Variants in SGSM2 observed in about 807,000 individuals in gnomAD.
The protein encoded by SGSM2 is RUN and TBC1 domain containing 1.
In SGSM2, 89 loss-of-function variants were observed where a neutral mutation model predicts 126.6. That is an observed-to-expected ratio of 0.70 (90% CI 0.59 to 0.84). The LOEUF is 0.84. Among genes scored for constraint, SGSM2 ranks in the 40% least tolerant of loss-of-function variants. The pLI, the probability that SGSM2 is intolerant of heterozygous loss-of-function variation, is 0.00. For missense variants in SGSM2, 1,404 were observed against 1,416.6 expected (o/e 0.99, Z 0.14); for synonymous variants, 614 against 574.3 (o/e 1.07, Z -0.99).
At chr17:2,350,988 C>T (rs541507234) in intron 2 of SGSM2, among the ~76,000 whole-genome samples, 9 of 152,188 alleles carry the variant, frequency 5.9e-5, no homozygotes, top group Non-Finnish European at 8.8e-5. Context: ...CGTGGTGGCT[C>T]ACGCCTGTAA....
At chr17:2,361,067 C>T (rs188604444) in intron 2 of SGSM2, among the ~76,000 whole-genome samples, 15 of 152,336 alleles carry the variant, frequency 9.8e-5, no homozygotes, top group Admixed American at 9.1e-4. Context: ...AAAGTCCAGA[C>T]AGAGACTAAG....
chr17:2,350,034 A>T (rs931900004), intron 2 of SGSM2, among the ~76,000 whole-genome samples: 2 of 151,596 alleles, frequency 1.3e-5, no homozygotes, highest in African/African-American at 4.9e-5. Context: ...TGATCCGCCC[A>T]CCTCGGCCTC....
intron 2 of SGSM2, among the ~76,000 whole-genome samples, chr17:2,354,758 C>T (rs190816666): frequency 1.5e-4 from 23 of 152,366 alleles, no homozygotes; most frequent in Admixed American, 3.3e-4. Flanking sequence ...CAGCTCCCCA[C>T]GTCCCTTCCA....
intron 2 of SGSM2, among the ~76,000 whole-genome samples, chr17:2,358,176 T>C (rs1452984784): frequency 6.6e-6 from 1 of 152,172 alleles, no homozygotes; most frequent in Admixed American, 6.5e-5. Flanking sequence ...GGAGTTCTGC[T>C]TGGTGCTCTG....
At chr17:2,365,693 C>T (rs1567829468) in intron 11 of SGSM2, among the ~76,000 whole-genome samples, 2 of 151,934 alleles carry the variant, frequency 1.3e-5, no homozygotes, top group African/African-American at 2.4e-5. Context: ...TGCTCTTCAC[C>T]TCCTGCTCCC....
At position 2,362,468 on chromosome 17, in the gene SGSM2, A is replaced by C. The variant is rs1567822794; in HGVS notation, c.458+198A>C. Among the ~76,000 whole-genome samples, 2 of 140,708 alleles carry C rather than the reference A, an allele frequency of 1.4e-5. No homozygotes were observed. The highest frequency in any genetic ancestry group is 4.6e-4 in the South Asian group (2 of 4,374). 92.3% of individuals were successfully genotyped at this position (140,708 alleles called of 152,430 possible). Reference sequence around the variant, plus strand: ...CAGGTGACCGCCCCGTTCCCCAAAAACTGCAGGTGACCGCCCCGTTCCCCA... The same window carrying C: ...CAGGTGACCGCCCCGTTCCCCAAAACCTGCAGGTGACCGCCCCGTTCCCCA... On this transcript the variant is annotated intron_variant, in intron 4 of 23. Transcript: ENST00000268989. This position sits in a 1 kb window ranked among gnomAD's most constrained non-coding sequence, Gnocchi z 4.9.
intron 17 of SGSM2, 162 bp downstream of exon 17, chr17:2,373,675 G>A (rs530460731): frequency 6.3e-6 from 4 of 632,278 alleles, no homozygotes; most frequent in African/African-American, 3.7e-5. Flanking sequence ...ATGGCTAACT[G>A]TGCCTCTGCT....
chr17:2,350,526 C>T (rs2064799849), intron 2 of SGSM2, among the ~76,000 whole-genome samples: 1 of 151,914 alleles, frequency 6.6e-6, no homozygotes, highest in Non-Finnish European at 1.5e-5. Context: ...AGGAGAATCG[C>T]TTGAACCCAG....
At chr17:2,376,908 T>C (rs919401615) in intron 20 of SGSM2, 51 bp from the exon 21 acceptor site, 1 of 1,601,896 alleles carries the variant, frequency 6.2e-7, no homozygotes, top group Non-Finnish European at 8.5e-7. Context: ...GGGAGCCGGC[T>C]CTGTCCCCTG....
In SGSM2 at chr17:2,364,191, C is replaced by A. The variant is rs2065452443; in HGVS notation, c.932+8C>A. On this transcript the variant is annotated splice_region_variant and intron_variant, in intron 8 of 23. Coordinates refer to ENST00000268989, the MANE Select transcript of SGSM2 (RefSeq NM_014853.3). ...CTCCGAGCTGGAAAAGAGGTGGGGG[C>A]TTTGGGACTCAATCCCAGGAGCCAG... The A allele has an allele frequency of 6.2e-7, 1 of 1,613,432 alleles. No homozygotes were observed. Among genetic ancestry groups the A allele is most frequent in the African/African-American group, 1.3e-5 (1 of 74,898 alleles).
chr17:2,377,228 G>A (rs2066208078), intron 21 of SGSM2, 160 bp downstream of exon 21: 4 of 585,044 alleles, frequency 6.8e-6, no homozygotes, highest in Admixed American at 3.3e-5. Context: ...GCTCAGGCCT[G>A]TCATCCCAGC....
chr17:2,362,301 T>C lies in SGSM2; in HGVS notation c.458+31T>C. 1 of 1,588,518 alleles carries C rather than the reference T, an allele frequency of 6.3e-7. No homozygotes were observed. The highest frequency in any genetic ancestry group is 8.6e-7 in the Non-Finnish European group (1 of 1,167,362). On this transcript the variant is annotated intron_variant, in intron 4 of 23. Coordinates refer to ENST00000268989, the MANE Select transcript of SGSM2 (RefSeq NM_014853.3). This position sits in a 1 kb window ranked among gnomAD's most constrained non-coding sequence, Gnocchi z 4.9. Reference sequence around the variant, plus strand: ...CGCCCCGTTCCCCAAAAACTGCAGGTGACCACCCCGTTCCCCCCAAAACTG... The same window carrying C: ...CGCCCCGTTCCCCAAAAACTGCAGGCGACCACCCCGTTCCCCCCAAAACTG...
intron 18 of SGSM2, 36 bp downstream of exon 18, chr17:2,375,911 C>T (rs1364111894): frequency 6.6e-7 from 1 of 1,508,890 alleles, no homozygotes; most frequent in Non-Finnish European, 8.8e-7. Context: ...CCCAGCCGCC[C>T]CAGAGGCCCT....
chr17:2,369,761 C>G (rs1344228992), intron 12 of SGSM2, among the ~76,000 whole-genome samples: 1 of 151,944 alleles, frequency 6.6e-6, no homozygotes, highest in African/African-American at 2.4e-5. Context: ...CCCACCCCGG[C>G]TCCTCCCGGG....
intron 2 of SGSM2, 115 bp from the exon 3 acceptor site, chr17:2,361,522 C>G: frequency 5.3e-6 from 7 of 1,316,220 alleles, no homozygotes; most frequent in Non-Finnish European, 7.4e-6. Flanking sequence ...ATCTCCCTGG[C>G]CTGCCCTTGG....
rs559617000 is a variant in SGSM2 at position 2,363,313 on chromosome 17, C to T, written c.673-152C>T. The T allele has an allele frequency of 7.2e-6, 10 of 1,383,592 alleles. No individual in the cohort carries two copies. Among genetic ancestry groups the T allele is most frequent in the African/African-American group, 1.4e-5 (1 of 69,152 alleles). 85.7% of individuals were successfully genotyped at this position (1,383,592 alleles called of 1,614,324 possible). A position where few individuals can be genotyped will look rare whatever the true frequency, so the allele number is the denominator to read the frequency against. Reference sequence around the variant, plus strand: ...CAAATGCCGGGAGCCCATGCTGGTCCGTGGCTGGAGAGCAGAGGGTGGCTG... The same window carrying T: ...CAAATGCCGGGAGCCCATGCTGGTCTGTGGCTGGAGAGCAGAGGGTGGCTG... On this transcript the variant is annotated intron_variant, in intron 6 of 23. Transcript: ENST00000268989. The surrounding 1 kb of genome is among the most constrained non-coding windows in gnomAD (Gnocchi z 4.2).
Position 2,363,585 on chromosome 17 carries a change from G to A in SGSM2, c.793G>A (p.Val265Met), listed in dbSNP as rs761171375. 4 of 1,612,858 alleles carry A rather than the reference G, an allele frequency of 2.5e-6. No homozygotes were observed. The highest frequency in any genetic ancestry group is 2.2e-5 in the East Asian group (1 of 44,864). The stretch of plus-strand genomic sequence containing the variant: ...GCGGCTGCTCTATGGCAAGAACCAC[G>A]TGCTGGTGCAGCCGGTAGGAAAGCT... ...RTRLLYGKNH[V>M]LVQPKEDMEA... The change falls in exon 7 of 24, where the codon GTG (valine) becomes ATG (methionine). Residue 265 changes from valine (V) to methionine (M), a missense_variant. Transcript: ENST00000268989. The surrounding 1 kb of genome is among the most constrained non-coding windows in gnomAD (Gnocchi z 4.2).
At position 2,380,757 on chromosome 17, in the gene SGSM2, G is replaced by A. The variant is rs765842988; in HGVS notation, c.*1237G>A. 4.5e-4 allele frequency: 88 copies of A among 197,554 alleles called. 1 individual carries two copies. The highest frequency in any genetic ancestry group is 6.8e-4 in the Non-Finnish European group (66 of 96,374). The allele number at this position is 197,554 out of a possible 1,614,324, so 12.2% of individuals were successfully genotyped here. A position where few individuals can be genotyped will look rare whatever the true frequency, so the allele number is the denominator to read the frequency against. On this transcript the variant is annotated 3_prime_UTR_variant, in exon 24 of 24. Transcript: ENST00000268989. ...GGGGCCTAGTCCAGCAGCCACCAAA[G>A]TCTGGCAGACTTTCTGCATTTGAGA...
At position 2,378,530 on chromosome 17, in the gene SGSM2, CAAAAA is replaced by C. The variant is rs574024477; in HGVS notation, c.2900-497_2900-493del. On this transcript the variant is annotated intron_variant, in intron 22 of 23. Coordinates refer to ENST00000268989, the MANE Select transcript of SGSM2 (RefSeq NM_014853.3). Reference sequence around the variant, plus strand: ...TGGGCAACAGAGCCAGACTGTGTCTCAAAAAAAAAAAAAGAAAAGAAAAGAAAAAA... The same window carrying C: ...TGGGCAACAGAGCCAGACTGTGTCTCAAAAAAAAGAAAAGAAAAGAAAAAA... Among the ~76,000 whole-genome samples the C allele has an allele frequency of 3.9e-3, 392 of 100,150 alleles. 2 individuals are homozygous for C. Among genetic ancestry groups the C allele is most frequent in the African/African-American group, 0.014 (372 of 26,876 alleles). 65.7% of individuals were successfully genotyped at this position (100,150 alleles called of 152,430 possible). A position where few individuals can be genotyped will look rare whatever the true frequency, so the allele number is the denominator to read the frequency against.
Sources: gnomAD v4.1 joint callset for allele counts (sites outside exome capture counted in the v4.1 genomes callset) on GRCh38, gnomAD v4.1.1 for gene constraint, Gnocchi (gnomAD v3.1) non-coding constraint, MANE v1.5 for transcripts, NCBI Gene and HGNC (gene_info 2026-07-23, HGNC 2026-07-21) for gene names.